The following SDK1 variants were observed in gnomAD, a reference collection of about 807,000 sequenced individuals.
The protein encoded by SDK1 is protein sidekick-1.
A neutral mutation model predicts 245.5 loss-of-function variants in SDK1; 157 were observed. The observed-to-expected ratio is 0.64, with a 90% confidence interval of 0.56 to 0.73. The LOEUF (loss-of-function observed/expected upper bound fraction) is 0.73, where lower values mean the gene tolerates loss of function less well. SDK1 is among the 30% of genes least tolerant of loss of function. The probability of loss-of-function intolerance (pLI) is 0.00; values close to 1 mark genes in which losing one functional copy is unlikely to be tolerated. For synonymous variants in SDK1, 1,647 were observed against 1,278.5 expected (o/e 1.29, Z -6.15); for missense variants, 3,583 against 3,002.3 (o/e 1.19, Z -4.52).
intron 26 of SDK1, 133 bp downstream of exon 26, chr7:4,127,629 A>G (rs1437485150): frequency 6.0e-6 from 4 of 669,544 alleles, no homozygotes; most frequent in Non-Finnish European, 8.0e-6. Context: ...TGTGATTTTT[A>G]TTAAGATATT....
At position 3,755,200 on chromosome 7, in the gene SDK1, G is replaced by A. The variant is rs566435785; in HGVS notation, c.714-66250G>A. 1.3e-3 allele frequency among the ~76,000 whole-genome samples: 199 copies of A among 152,298 alleles called. 3 individuals carry two copies. Among genetic ancestry groups the A allele is most frequent in the Non-Finnish European group, 5.9e-4 (40 of 68,014 alleles). On this transcript the variant is annotated intron_variant, in intron 4 of 44. Transcript: ENST00000404826. ...TGGAGGCTGTTGGCCTGGGGAAGCC[G>A]GAAGTGGGCTTACTAGAAAGGGGGC...
chr7:3,602,046 A>T (rs1203096795), intron 1 of SDK1, among the ~76,000 whole-genome samples: 1 of 151,784 alleles, frequency 6.6e-6, no homozygotes, highest in Non-Finnish European at 1.5e-5. Flanking sequence ...CATGGAGTAT[A>T]TGTGCCACAT....
chr7:3,467,949 A>G (rs1389973344), intron 1 of SDK1, among the ~76,000 whole-genome samples: 4 of 149,942 alleles, frequency 2.7e-5, no homozygotes, highest in Non-Finnish European at 5.9e-5. Context: ...TAATTATCAT[A>G]TATAGGTGAT....
At chr7:3,833,440 G>A (rs979280064) in intron 5 of SDK1, among the ~76,000 whole-genome samples, 7 of 152,026 alleles carry the variant, frequency 4.6e-5, no homozygotes, top group Non-Finnish European at 8.8e-5. Context: ...CTTTCATTTG[G>A]GAAAGTTTTC....
chr7:3,602,345 T>G (rs1049508126), intron 1 of SDK1, among the ~76,000 whole-genome samples: 1 of 151,114 alleles, frequency 6.6e-6, no homozygotes, highest in Non-Finnish European at 1.5e-5. Context: ...ACCTGTTGTT[T>G]CCTGACTTTT....
intron 1 of SDK1, among the ~76,000 whole-genome samples, chr7:3,590,736 C>G (rs1379498751): frequency 6.6e-6 from 1 of 151,328 alleles, no homozygotes; most frequent in Non-Finnish European, 1.5e-5. Flanking sequence ...CACTGCTGGA[C>G]CTTTAGATTT....
Position 3,589,565 on chromosome 7 carries a change from C to G in SDK1, c.299-29515C>G, listed in dbSNP as rs557776113. ...TTATAAAGAAAAGAAGTTTAATGGA[C>G]TCATAGTTCCACATGGCTGGGGAGG... On this transcript the variant is annotated intron_variant, in intron 1 of 44. Coordinates refer to ENST00000404826, the MANE Select transcript of SDK1 (RefSeq NM_152744.4). Among the ~76,000 whole-genome samples the G allele has an allele frequency of 1.8e-4, 28 of 152,314 alleles. No homozygotes were observed. In the South Asian group the frequency reaches 5.2e-3, roughly 28 times the overall value.
chr7:3,976,111 C>T (rs868255939), intron 13 of SDK1, among the ~76,000 whole-genome samples: 6 of 21,016 alleles, frequency 2.9e-4, no homozygotes, highest in Non-Finnish European at 1.0e-4. Flanking sequence ...GGCTGCCACG[C>T]AGAGGGTCCT....
Position 4,220,120 on chromosome 7 carries a change from G to A in SDK1, c.5551G>A (p.Val1851Met). Residue 1851 changes from valine (V) to methionine (M), a missense_variant, in exon 39 of 45, where the codon GTG (valine) becomes ATG (methionine). Coordinates refer to ENST00000404826, the MANE Select transcript of SDK1 (RefSeq NM_152744.4). ...PLAPVQGVSKVVTVEVRGNWQ... is the reference protein window; with the variant it reads ...PLAPVQGVSKMVTVEVRGNWQ... ...TCTGGCGGCTGCAGGGGTGAGCAAG[G>A]TGGTGACCGTGGAAGTGAGAGGGAA... The A allele has an allele frequency of 6.2e-7, 1 of 1,613,972 alleles. No homozygotes were observed. Among genetic ancestry groups the A allele is most frequent in the Non-Finnish European group, 8.5e-7 (1 of 1,179,926 alleles).
At chr7:4,233,135 A>G in intron 40 of SDK1, 120 bp from the exon 41 acceptor site, 11 of 865,596 alleles carry the variant, frequency 1.3e-5, no homozygotes, top group Non-Finnish European at 1.8e-5. Context: ...CTCCGCATCC[A>G]GTGCCCCTGA....
At chr7:3,437,841 A>G (rs1477366484) in intron 1 of SDK1, among the ~76,000 whole-genome samples, 1 of 152,214 alleles carries the variant, frequency 6.6e-6, no homozygotes, top group East Asian at 1.9e-4. Context: ...GGCTGAATAG[A>G]AGTTCCATCT....
intron 5 of SDK1, among the ~76,000 whole-genome samples, chr7:3,911,886 A>C (rs1562530959): frequency 6.6e-6 from 1 of 152,122 alleles, no homozygotes; most frequent in Non-Finnish European, 1.5e-5. Flanking sequence ...ATGTGACCTG[A>C]GGGAGCTGGA....
rs116450360 is a variant in SDK1, at chr7:3,683,696, C to T, written c.713+41591C>T. On this transcript the variant is annotated intron_variant, in intron 4 of 44. Transcript: ENST00000404826. ...GAAAGGAGAGGCAGCTGCCTGGGGA[C>T]CTTGGGACTTGAGGCATGAGGTGCT... Among the ~76,000 whole-genome samples, 1,159 of 152,280 alleles carry T rather than the reference C, an allele frequency of 7.6e-3. 16 individuals carry two copies. Among genetic ancestry groups the T allele is most frequent in the African/African-American group, 0.026 (1,096 of 41,554 alleles).
rs950439536 is a variant in SDK1 at position 3,662,406 on chromosome 7, G to A, written c.713+20301G>A. Among the ~76,000 whole-genome samples, 5 of 152,270 alleles carry A rather than the reference G, an allele frequency of 3.3e-5. No individual in the cohort carries two copies. In the East Asian group the frequency reaches 7.7e-4, roughly 23 times the overall value. On this transcript the variant is annotated intron_variant, in intron 4 of 44. Transcript: ENST00000404826. Reference sequence around the variant, plus strand: ...GGGACACATCTTTGCCTAGTCCCCTGTCCTTGCCTGATACATTAGTCCTGA... The same window carrying A: ...GGGACACATCTTTGCCTAGTCCCCTATCCTTGCCTGATACATTAGTCCTGA...
intron 4 of SDK1, among the ~76,000 whole-genome samples, chr7:3,715,749 T>C (rs1448319667): frequency 6.6e-6 from 1 of 152,086 alleles, no homozygotes; most frequent in Non-Finnish European, 1.5e-5. Context: ...AATGGAAAAT[T>C]ACTGAACATA....
At chr7:3,344,139 A>AG (rs779859885) in intron 1 of SDK1, among the ~76,000 whole-genome samples, 1 of 152,200 alleles carries the variant, frequency 6.6e-6, no homozygotes, top group Non-Finnish European at 1.5e-5. Flanking sequence ...AACTGTGTGC[A>AG]GGGGAAAAAA....
chr7:3,926,450 C>T (rs182197127), intron 5 of SDK1, among the ~76,000 whole-genome samples: 194 of 152,230 alleles, frequency 1.3e-3, no homozygotes, highest in Admixed American at 1.8e-3. Flanking sequence ...TAGAGTGAAA[C>T]GTCATGAAAT....
At chr7:3,769,940 G>C (rs1387116074) in intron 4 of SDK1, among the ~76,000 whole-genome samples, 1 of 133,844 alleles carries the variant, frequency 7.5e-6, no homozygotes, top group Non-Finnish European at 1.5e-5. Context: ...TATTGTCTGT[G>C]TGTGTGTGTG....
chr7:3,675,674 A>G (rs964344675), intron 4 of SDK1, among the ~76,000 whole-genome samples: 3 of 152,078 alleles, frequency 2.0e-5, no homozygotes, highest in Non-Finnish European at 2.9e-5. Flanking sequence ...CCCGGTCTCA[A>G]GCCATCCACT....
Sources: allele counts gnomAD v4.1 joint callset (sites outside exome capture counted in the v4.1 genomes callset), GRCh38; gene constraint gnomAD v4.1.1; transcripts MANE v1.5; gene names NCBI Gene and HGNC (gene_info 2026-07-23, HGNC 2026-07-21).